Variants in SUPT20H observed in about 807,000 individuals in gnomAD.
SUPT20H encodes SPT20 homolog, SAGA complex component, also known as transcription factor SPT20 homolog.
A neutral mutation model predicts 122.8 loss-of-function variants in SUPT20H; 82 were observed. The observed-to-expected ratio is 0.67, with a 90% CI of 0.56 to 0.80. The LOEUF (loss-of-function observed/expected upper bound fraction) is 0.80, where lower values mean the gene tolerates loss of function less well. Among genes scored for constraint, SUPT20H ranks in the 30% least tolerant of loss-of-function variants. SUPT20H has a pLI of 0.00. For missense variants in SUPT20H, 831 were observed against 921.6 expected, an observed-to-expected ratio of 0.90 and a Z score of 1.27; for synonymous variants, 291 against 313.0, an observed-to-expected ratio of 0.93 and a Z score of 0.74.
chr13:37,046,074 T>C (rs1251567411), intron 5 of SUPT20H, among the ~76,000 whole-genome samples: 1 of 152,106 alleles, frequency 6.6e-6, no homozygotes, highest in African/African-American at 2.4e-5. Context: ...TAAATTTTTT[T>C]AGAATCTCAA....
At chr13:37,017,996 AAAAC>A (rs1359541824) in intron 22 of SUPT20H, among the ~76,000 whole-genome samples, 4 of 152,180 alleles carry the variant, frequency 2.6e-5, no homozygotes, top group African/African-American at 7.2e-5. Flanking sequence ...AATGCACCAA[AAAAC>A]AAACAGTTTT....
rs1370507054 is a variant in SUPT20H at position 37,036,443 on chromosome 13, G to T, written c.568-2855C>A. Among the ~76,000 whole-genome samples the T allele has an allele frequency of 2.0e-5, 3 of 151,960 alleles. No individual in the cohort carries two copies. The East Asian group carries it at 5.8e-4, about 30-fold the overall frequency. On this transcript the variant is annotated intron_variant, in intron 9 of 25. Coordinates refer to ENST00000350612, the MANE Select transcript of SUPT20H (RefSeq NM_001014286.3). Reference sequence around the variant, plus strand: ...AGGTTCAAACAGTTCTCCTGCCTCAGCTTCCTGAGTAGCTGGGACTACAAG... The same window carrying T: ...AGGTTCAAACAGTTCTCCTGCCTCATCTTCCTGAGTAGCTGGGACTACAAG...
At chr13:37,017,119 A>T in intron 23 of SUPT20H, 126 bp downstream of exon 23, 1 of 1,327,418 alleles carries the variant, frequency 7.5e-7, no homozygotes, top group Non-Finnish European at 1.1e-6. Flanking sequence ...GCTGATTGCT[A>T]CTATTGTTAA....
chr13:37,022,954 A>G lies in SUPT20H; in HGVS notation c.1592-874T>C. 8.0e-7 allele frequency: 1 copy of G among 1,244,744 alleles called. No individual in the cohort carries two copies. 77.1% of individuals were successfully genotyped at this position (1,244,744 alleles called of 1,614,324 possible). A position where few individuals can be genotyped will look rare whatever the true frequency, so the allele number is the denominator to read the frequency against. On this transcript the variant is annotated intron_variant, in intron 19 of 25. Coordinates refer to ENST00000350612, the MANE Select transcript of SUPT20H (RefSeq NM_001014286.3). This position sits in a 1 kb window ranked among gnomAD's most constrained non-coding sequence, Gnocchi z 4.5. ...GTTGTGAATGAAGTATGCACAGTTTATCAATTTTTTAAAAAACAAAAACAA... is the reference window on the plus strand; with the variant it reads ...GTTGTGAATGAAGTATGCACAGTTTGTCAATTTTTTAAAAAACAAAAACAA...
chr13:37,021,627 T>TA, intron 20 of SUPT20H, 25 bp from the exon 21 acceptor site: 1 of 1,578,738 alleles, frequency 6.3e-7, no homozygotes, highest in East Asian at 2.3e-5. Context: ...GACAAAGCAT[T>TA]AAACTTCACT....
chr13:37,033,117 A>C (rs1174049642), intron 10 of SUPT20H, among the ~76,000 whole-genome samples: 1 of 151,922 alleles, frequency 6.6e-6, no homozygotes, highest in Non-Finnish European at 1.5e-5. Flanking sequence ...GCAACAGTTC[A>C]ATCTAAAGCA....
At chr13:37,009,852 G>T in intron 25 of SUPT20H, 43 bp from the exon 26 acceptor site, 1 of 1,591,150 alleles carries the variant, frequency 6.3e-7, no homozygotes. Flanking sequence ...TTAAATGCAG[G>T]CAGGTGTAGA....
rs767762644 is a variant in SUPT20H at position 37,026,766 on chromosome 13, T to A, written c.1178+24A>T. The A allele has an allele frequency of 2.9e-5, 38 of 1,309,250 alleles. 1 individual carries two copies. The South Asian group carries it at 5.7e-4, about 20-fold the overall frequency. The allele number at this position is 1,309,250 out of a possible 1,614,324, so 81.1% of individuals were successfully genotyped here. A position where few individuals can be genotyped will look rare whatever the true frequency, so the allele number is the denominator to read the frequency against. ...ATATTTATGTAATTTCTTAACAGAT[T>A]AAAATAGTTTATTTTTTAATTACCA... On this transcript the variant is annotated intron_variant, in intron 15 of 25. Transcript: ENST00000350612.
At chr13:37,017,023 C>T (rs766526903) in intron 23 of SUPT20H, among the ~76,000 whole-genome samples, 1 of 152,166 alleles carries the variant, frequency 6.6e-6, no homozygotes, top group Non-Finnish European at 1.5e-5. Context: ...AGCCATTTAT[C>T]TGGATCTCAA....
chr13:37,042,320 T>G (rs1326934261), intron 7 of SUPT20H, among the ~76,000 whole-genome samples: 1 of 152,138 alleles, frequency 6.6e-6, no homozygotes, highest in East Asian at 1.9e-4. Context: ...CAAGAAAATA[T>G]GTAAGTTAGG....
Position 37,056,801 on chromosome 13 carries a change from A to G in SUPT20H, c.-94+2758T>C, listed in dbSNP as rs563355235. 8.5e-5 allele frequency: 13 copies of G among 152,186 alleles called. No homozygotes were observed. In the South Asian group the frequency reaches 1.0e-3, roughly 12 times the overall value. The allele number at this position is 152,186 out of a possible 1,614,324, so 9.4% of individuals were successfully genotyped here. ...AAAAAAAAAGAAAATCTTCTTTTCT[A>G]TAACTACAGGAGTTCTTATCCTGGC... On this transcript the variant is annotated intron_variant, in intron 1 of 25. Coordinates refer to ENST00000350612, the MANE Select transcript of SUPT20H (RefSeq NM_001014286.3).
At position 37,028,205 on chromosome 13, in the gene SUPT20H, C is replaced by T. The variant is rs1254533517; in HGVS notation, c.1094G>A (p.Gly365Asp). The T allele has an allele frequency of 1.2e-6, 2 of 1,613,050 alleles. No individual in the cohort carries two copies. Among genetic ancestry groups the T allele is most frequent in the South Asian group, 1.1e-5 (1 of 91,004 alleles). ...LQSLGDPLYY[G>D]KIQPCKADEE... ...ATCTGCTTTACATGGCTGTATTTTA[C>T]CATAGTAAAGTGGATCTCCAAGCGA... is the stretch of plus-strand genomic sequence containing the variant. The change falls in exon 14 of 26, where the codon GGT becomes GAT. Residue 365 changes from glycine to aspartate, a missense_variant. Coordinates refer to ENST00000350612, the MANE Select transcript of SUPT20H (RefSeq NM_001014286.3).
At chr13:37,015,327 A>T (rs943087650) in intron 23 of SUPT20H, among the ~76,000 whole-genome samples, 2 of 151,896 alleles carry the variant, frequency 1.3e-5, no homozygotes, top group African/African-American at 4.8e-5. Context: ...AAAAAAAAAA[A>T]ATGGGCAAGG....
intron 21 of SUPT20H, 102 bp from the exon 22 acceptor site, chr13:37,019,499 C>T (rs1295287366): frequency 1.4e-6 from 1 of 716,554 alleles, no homozygotes; most frequent in African/African-American, 1.9e-5. Flanking sequence ...TATGTATTCT[C>T]TGCATAGATG....
chr13:37,009,588 TA>T lies in SUPT20H; in HGVS notation c.*83del, dbSNP rs750307293. On this transcript the variant is annotated 3_prime_UTR_variant, in exon 26 of 26. Transcript: ENST00000350612. ...CTAGCAATGTAAAATACTGACACAT[TA>T]AAAAAAACAAAAAGTAGAAACTCAA... The T allele has an allele frequency of 3.4e-5, 52 of 1,519,230 alleles. No individual in the cohort carries two copies. Among genetic ancestry groups the T allele is most frequent in the South Asian group, 5.7e-5 (5 of 87,772 alleles). 94.1% of individuals were successfully genotyped at this position (1,519,230 alleles called of 1,614,324 possible).
chr13:37,029,082 C>T (rs989146023), intron 13 of SUPT20H, among the ~76,000 whole-genome samples: 1 of 152,032 alleles, frequency 6.6e-6, no homozygotes, highest in Non-Finnish European at 1.5e-5. Context: ...ACACCTATTC[C>T]TCTCTTTTTA....
chr13:37,029,933 G>C (rs1048630924), intron 12 of SUPT20H, 97 bp from the exon 13 acceptor site: 1 of 878,886 alleles, frequency 1.1e-6, no homozygotes, highest in Admixed American at 3.0e-5. Context: ...TAAGTAACTC[G>C]ACAATACAAT....
intron 19 of SUPT20H, 100 bp downstream of exon 19, chr13:37,023,935 A>G: frequency 1.5e-6 from 2 of 1,294,654 alleles, no homozygotes; most frequent in Non-Finnish European, 2.1e-6. Flanking sequence ...TACACAGTAC[A>G]TTCAGATATC....
At chr13:37,010,983 C>A in intron 24 of SUPT20H, 1 of 176,480 alleles carries the variant, frequency 5.7e-6, no homozygotes, top group African/African-American at 2.4e-5. Flanking sequence ...ATAAAACCAA[C>A]AAAGTAGGAG....
Sources: gnomAD v4.1 joint callset for allele counts (sites outside exome capture counted in the v4.1 genomes callset) on GRCh38, gnomAD v4.1.1 for gene constraint, Gnocchi (gnomAD v3.1) non-coding constraint, MANE v1.5 for transcripts, NCBI Gene and HGNC (gene_info 2026-07-23, HGNC 2026-07-21) for gene names.